Variants in LEPR observed in about 807,000 individuals in gnomAD.
LEPR encodes leptin receptor.
In LEPR, 56 loss-of-function variants were observed where a neutral mutation model predicts 114.7. That is an observed-to-expected ratio of 0.49 (90% CI 0.39 to 0.61). LEPR has a LOEUF of 0.61. Ranked by LOEUF, LEPR falls within the 20% of genes least tolerant of loss-of-function variation. The pLI, the probability that LEPR is intolerant of heterozygous loss-of-function variation, is 0.00. For synonymous variants in LEPR, 443 were observed against 461.4 expected (o/e 0.96, Z 0.51); for missense variants, 1,202 against 1,352.9 (o/e 0.89, Z 1.75).
intron 2 of LEPR, chr1:65,434,481 C>A (rs1473034118): frequency 1.4e-5 from 14 of 985,186 alleles, no homozygotes; most frequent in Non-Finnish European, 1.7e-5. Context: ...CTTTGAGACA[C>A]TTTTCCACAG....
At chr1:65,620,117 A>C (rs1022275253) in intron 17 of LEPR, 94 bp downstream of exon 17, 17 of 1,010,080 alleles carry the variant, frequency 1.7e-5, no homozygotes, top group Non-Finnish European at 2.6e-5. Flanking sequence ...TTTCTGATAG[A>C]ATCATGGAAG....
chr1:65,627,285 G>T (rs889851769), intron 19 of LEPR, among the ~76,000 whole-genome samples: 1 of 152,106 alleles, frequency 6.6e-6, no homozygotes, highest in Non-Finnish European at 1.5e-5. Context: ...ATATTGTTAC[G>T]TATATTTTAA....
In LEPR at chr1:65,589,222, G is replaced by T. The variant is rs147641506; in HGVS notation, c.495-3435G>T. ...ATTTGCCATAACTATGATTTATATGGTGAAGTGACTGTGTAACATTTTGCC... is the reference window on the plus strand; with the variant it reads ...ATTTGCCATAACTATGATTTATATGTTGAAGTGACTGTGTAACATTTTGCC... On this transcript the variant is annotated intron_variant, in intron 5 of 19. Coordinates refer to ENST00000349533, the MANE Select transcript of LEPR (RefSeq NM_002303.6). Among the ~76,000 whole-genome samples the T allele has an allele frequency of 2.4e-3, 365 of 152,108 alleles. 2 individuals are homozygous for T. Among genetic ancestry groups the T allele is most frequent in the African/African-American group, 8.3e-3 (344 of 41,504 alleles).
In LEPR at chr1:65,565,601, T is replaced by C. The variant is rs147768538; in HGVS notation, c.36T>C (p.His12=). Reference sequence around the variant, plus strand: ...AAAAATTCTGTGTGGTTTTGTTACATTGGGGTAAGTTATTTGCTCATTTGC... The same window carrying C: ...AAAAATTCTGTGTGGTTTTGTTACACTGGGGTAAGTTATTTGCTCATTTGC... ...ICQKFCVVLL[H]WEFIYVITAF... Residue 12 remains histidine (H), a synonymous_variant, in exon 3 of 20, where the codon CAT becomes CAC. Coordinates refer to ENST00000349533, the MANE Select transcript of LEPR (RefSeq NM_002303.6). 5.0e-4 allele frequency: 804 copies of C among 1,613,942 alleles called. 2 individuals carry two copies. In the African/African-American group the frequency reaches 9.3e-3, roughly 19 times the overall value.
At chr1:65,600,079 A>G (rs1237403829) in intron 8 of LEPR, among the ~76,000 whole-genome samples, 1 of 152,130 alleles carries the variant, frequency 6.6e-6, no homozygotes, top group Non-Finnish European at 1.5e-5. Flanking sequence ...TCATCTTTAA[A>G]ATGAAAAACT....
chr1:65,640,764 C>G lies in LEPR; in HGVS notation c.*3749C>G, dbSNP rs1486776388. ...AAACATTAGGAGATGATTTCCATGGCTTTTTTTTTTTTTTTTTTAGGAAGT... is the reference window on the plus strand; with the variant it reads ...AAACATTAGGAGATGATTTCCATGGGTTTTTTTTTTTTTTTTTTAGGAAGT... On this transcript the variant is annotated 3_prime_UTR_variant, in exon 20 of 20. Coordinates refer to ENST00000349533, the MANE Select transcript of LEPR (RefSeq NM_002303.6). The G allele has an allele frequency of 8.3e-6, 1 of 121,212 alleles. No individual in the cohort carries two copies. Among genetic ancestry groups the G allele is most frequent in the African/African-American group, 3.2e-5 (1 of 31,722 alleles). 7.5% of individuals were successfully genotyped at this position (121,212 alleles called of 1,614,324 possible).
chr1:65,587,679 T>G (rs1370899288), intron 5 of LEPR, among the ~76,000 whole-genome samples: 21 of 152,056 alleles, frequency 1.4e-4, no homozygotes. Context: ...ATATCCCCTA[T>G]ACAGTTCCCA....
chr1:65,512,663 T>A (rs1157203266), intron 2 of LEPR, among the ~76,000 whole-genome samples: 1 of 152,088 alleles, frequency 6.6e-6, no homozygotes, highest in East Asian at 1.9e-4. Context: ...AGGAGGGAGA[T>A]GCCAAATTCA....
At chr1:65,584,043 G>A (rs929512621) in intron 5 of LEPR, among the ~76,000 whole-genome samples, 17 of 152,052 alleles carry the variant, frequency 1.1e-4, no homozygotes, top group African/African-American at 3.4e-4. Flanking sequence ...ATAGTGCTAG[G>A]CTCTGTAAGG....
chr1:65,610,038 G>A lies in LEPR; in HGVS notation c.1844G>A (p.Arg615Lys). 6.2e-7 allele frequency: 1 copy of A among 1,614,204 alleles called. No individual in the cohort carries two copies. The highest frequency in any genetic ancestry group is 2.2e-5 in the East Asian group (1 of 44,872). Residue 615 changes from arginine to lysine, a missense_variant, in exon 13 of 20, where the codon AGG (arginine) becomes AAG (lysine). Transcript: ENST00000349533. Reference protein sequence around the residue: ...AVYAVQVRCKRLDGLGYWSNW... With the variant: ...AVYAVQVRCKKLDGLGYWSNW... The stretch of plus-strand genomic sequence containing the variant: ...TATGCTGTTCAGGTGCGCTGTAAGA[G>A]GCTAGATGGACTGGGATATTGGAGT...
intron 2 of LEPR, among the ~76,000 whole-genome samples, chr1:65,517,651 T>G (rs1392613469): frequency 6.6e-6 from 1 of 152,238 alleles, no homozygotes; most frequent in Non-Finnish European, 1.5e-5. Flanking sequence ...AGTTGTAGCT[T>G]TGAATAATAG....
intron 12 of LEPR, 93 bp downstream of exon 12, chr1:65,608,994 A>G: frequency 6.7e-7 from 1 of 1,494,522 alleles, no homozygotes; most frequent in East Asian, 2.3e-5. Context: ...TTATTGGCAT[A>G]AAAGTACATT....
At chr1:65,609,850 GGAATAGT>G in intron 12 of LEPR, 90 bp from the exon 13 acceptor site, 1 of 1,522,148 alleles carries the variant, frequency 6.6e-7, no homozygotes, top group Non-Finnish European at 9.1e-7. Context: ...TCTTAATTTT[GGAATAGT>G]GTTAAGGTTT....
intron 11 of LEPR, 104 bp from the exon 12 acceptor site, chr1:65,608,649 G>C: frequency 8.1e-7 from 1 of 1,242,094 alleles, no homozygotes; most frequent in Non-Finnish European, 1.1e-6. Context: ...TTATGAAGAA[G>C]ATATTGCTTG....
chr1:65,556,798 G>A (rs893135463), intron 2 of LEPR, among the ~76,000 whole-genome samples: 3 of 152,130 alleles, frequency 2.0e-5, no homozygotes, highest in African/African-American at 2.4e-5. Context: ...TGACGAGTGG[G>A]ATCTGGGACC....
At chr1:65,484,477 A>G (rs1647374553) in intron 2 of LEPR, among the ~76,000 whole-genome samples, 1 of 152,172 alleles carries the variant, frequency 6.6e-6, no homozygotes, top group East Asian at 1.9e-4. Context: ...CACACGTCCA[A>G]GGTTTTCCTA....
At chr1:65,492,975 C>T (rs923719387) in intron 2 of LEPR, among the ~76,000 whole-genome samples, 3 of 151,930 alleles carry the variant, frequency 2.0e-5, no homozygotes, top group South Asian at 2.1e-4. Flanking sequence ...AGGTATTAAT[C>T]GTCCATCTTT....
At chr1:65,491,259 A>G (rs1343605187) in intron 2 of LEPR, among the ~76,000 whole-genome samples, 1 of 152,130 alleles carries the variant, frequency 6.6e-6, no homozygotes, top group Admixed American at 6.6e-5. Context: ...TCATATGCTT[A>G]AAATCCTTTA....
chr1:65,528,728 T>C (rs1253738941), intron 2 of LEPR, among the ~76,000 whole-genome samples: 3 of 152,236 alleles, frequency 2.0e-5, no homozygotes, highest in African/African-American at 4.8e-5. Flanking sequence ...AAAAAGAACA[T>C]TGCAAATATC....
Sources: allele counts gnomAD v4.1 joint callset (sites outside exome capture counted in the v4.1 genomes callset), GRCh38; gene constraint gnomAD v4.1.1; transcripts MANE v1.5; gene names NCBI Gene and HGNC (gene_info 2026-07-23, HGNC 2026-07-21).